The following ST8SIA3 variants were observed in gnomAD, a reference collection of about 807,000 sequenced individuals.
ST8SIA3 encodes the protein ST8 alpha-N-acetyl-neuraminide alpha-2,8-sialyltransferase 3.
ST8SIA3 carries 17 observed loss-of-function variants against 34.5 expected under a neutral mutation model. That is an observed-to-expected ratio of 0.49 (90% CI 0.34 to 0.74). The LOEUF is 0.74. Among genes scored for constraint, ST8SIA3 ranks in the 30% least tolerant of loss-of-function variants. The pLI, the probability that ST8SIA3 is intolerant of heterozygous loss-of-function variation, is 0.01. For missense variants in ST8SIA3, 354 were observed against 467.8 expected (o/e 0.76, Z 2.24); for synonymous variants, 172 against 176.1 (o/e 0.98, Z 0.19).
intron 2 of ST8SIA3, 44 bp downstream of exon 2, chr18:57,354,568 A>T (rs1206571572): frequency 8.1e-6 from 13 of 1,608,872 alleles, no homozygotes; most frequent in Non-Finnish European, 9.3e-6. Flanking sequence ...TTAAGAATTC[A>T]AGAGCTCAAA....
In ST8SIA3 at chr18:57,354,766, C is replaced by CA. The variant is rs35003371; in HGVS notation, c.302+256dup. On this transcript the variant is annotated intron_variant, in intron 2 of 3. Coordinates refer to ENST00000324000, the MANE Select transcript of ST8SIA3 (RefSeq NM_015879.3). Reference sequence around the variant, plus strand: ...GACATATCAGGACCAATTTGAATAGCAAAAAAAAAAAAAAGCATTCCACTT... The same window carrying CA: ...GACATATCAGGACCAATTTGAATAGCAAAAAAAAAAAAAAAGCATTCCACTT... Among the ~76,000 whole-genome samples the CA allele has an allele frequency of 5.5e-3, 649 of 118,802 alleles. 1 individual carries two copies. The highest frequency in any genetic ancestry group is 9.8e-3 in the African/African-American group (325 of 33,306). 77.9% of individuals were successfully genotyped at this position (118,802 alleles called of 152,430 possible). A position where few individuals can be genotyped will look rare whatever the true frequency, so the allele number is the denominator to read the frequency against.
rs1242676767 is a variant in ST8SIA3 at position 57,357,322 on chromosome 18, C to G, written c.712C>G (p.Leu238Val). The change falls in exon 3 of 4, where the codon CTT (leucine) becomes GTT (valine). Residue 238 changes from leucine (L) to valine (V), a missense_variant. Around this residue, in one of 3 missense-constraint regions of ST8SIA3, gnomAD observed 166 missense variants for 245.2 expected, o/e 0.68. Transcript: ENST00000324000. ...CAACTTTTTCCTCAGTTTAAAAAAG[C>G]TTGACGGGGCCATTCTTTGGATCCC... ...RNNFFLSLKK[L>V]DGAILWIPAF... The G allele has an allele frequency of 2.5e-6, 4 of 1,613,902 alleles. No individual in the cohort carries two copies. In the East Asian group the frequency reaches 6.7e-5, roughly 27 times the overall value.
chr18:57,358,908 T>C (rs2049813751), intron 3 of ST8SIA3, among the ~76,000 whole-genome samples: 1 of 152,216 alleles, frequency 6.6e-6, no homozygotes, highest in South Asian at 2.1e-4. Context: ...TCATTCTAGT[T>C]CCTTAGACAG....
Position 57,363,314 on chromosome 18 carries a change from A to C in ST8SIA3, c.*3037A>C, listed in dbSNP as rs2049842556. On this transcript the variant is annotated 3_prime_UTR_variant, in exon 4 of 4. Coordinates refer to ENST00000324000, the MANE Select transcript of ST8SIA3 (RefSeq NM_015879.3). ...GCAGATCCAAGGGAGACAGGGCTAA[A>C]TGGTGGTGTCAAGAATTCCTCCCAC... The C allele has an allele frequency of 6.6e-6, 1 of 152,228 alleles. No homozygotes were observed. The highest frequency in any genetic ancestry group is 2.4e-5 in the African/African-American group (1 of 41,456). The allele number at this position is 152,228 out of a possible 1,614,324, so 9.4% of individuals were successfully genotyped here. A position where few individuals can be genotyped will look rare whatever the true frequency, so the allele number is the denominator to read the frequency against.
In ST8SIA3 at chr18:57,364,910, G is replaced by A. The variant is rs1450281494; in HGVS notation, c.*4633G>A. ...TTGTGATGACTGATTGAAGACATAT[G>A]TGTATGAATAGATGTTCCTCAGTGA... On this transcript the variant is annotated 3_prime_UTR_variant, in exon 4 of 4. Coordinates refer to ENST00000324000, the MANE Select transcript of ST8SIA3 (RefSeq NM_015879.3). 2 of 152,330 alleles carry A rather than the reference G, an allele frequency of 1.3e-5. No individual in the cohort carries two copies. The highest frequency in any genetic ancestry group is 2.9e-5 in the Non-Finnish European group (2 of 68,040). The allele number at this position is 152,330 out of a possible 1,614,324, so 9.4% of individuals were successfully genotyped here. A position where few individuals can be genotyped will look rare whatever the true frequency, so the allele number is the denominator to read the frequency against.
chr18:57,358,983 T>C (rs1353173161), intron 3 of ST8SIA3, among the ~76,000 whole-genome samples: 2 of 152,208 alleles, frequency 1.3e-5, no homozygotes, highest in African/African-American at 2.4e-5. Flanking sequence ...ACCTTTGAAA[T>C]CTTCAAGTAG....
intron 3 of ST8SIA3, among the ~76,000 whole-genome samples, 172 bp from the exon 4 acceptor site, chr18:57,359,823 T>G (rs567700550): frequency 6.6e-6 from 1 of 152,342 alleles, no homozygotes; most frequent in South Asian, 2.1e-4. Context: ...TCTCACAAAT[T>G]ATGTAACCAG....
intron 3 of ST8SIA3, among the ~76,000 whole-genome samples, chr18:57,358,205 C>A (rs2049809809): frequency 6.6e-6 from 1 of 152,140 alleles, no homozygotes. Context: ...TAACAACTCT[C>A]CTGATGATTC....
At position 57,366,513 on chromosome 18, in the gene ST8SIA3, A is replaced by G. The variant is rs998339894; in HGVS notation, c.*6236A>G. ...TTTCCCCAACTTTGTCATTTTCCCTATCCACTTGCCCCTCATCCTTCTGAC... is the reference window on the plus strand; with the variant it reads ...TTTCCCCAACTTTGTCATTTTCCCTGTCCACTTGCCCCTCATCCTTCTGAC... On this transcript the variant is annotated 3_prime_UTR_variant, in exon 4 of 4. Coordinates refer to ENST00000324000, the MANE Select transcript of ST8SIA3 (RefSeq NM_015879.3). 1.3e-5 allele frequency: 2 copies of G among 152,114 alleles called. No homozygotes were observed. Among genetic ancestry groups the G allele is most frequent in the African/African-American group, 4.8e-5 (2 of 41,402 alleles). 9.4% of individuals were successfully genotyped at this position (152,114 alleles called of 1,614,324 possible).
At position 57,361,433 on chromosome 18, in the gene ST8SIA3, C is replaced by T. The variant is rs957879125; in HGVS notation, c.*1156C>T. 6.6e-6 allele frequency: 1 copy of T among 152,644 alleles called. No individual in the cohort carries two copies. The highest frequency in any genetic ancestry group is 1.5e-5 in the Non-Finnish European group (1 of 68,068). 9.5% of individuals were successfully genotyped at this position (152,644 alleles called of 1,614,324 possible). A position where few individuals can be genotyped will look rare whatever the true frequency, so the allele number is the denominator to read the frequency against. On this transcript the variant is annotated 3_prime_UTR_variant, in exon 4 of 4. Coordinates refer to ENST00000324000, the MANE Select transcript of ST8SIA3 (RefSeq NM_015879.3). ...ATCGTTTTCCGTATCATTGTGTGCA[C>T]CACCACCAATCCAGAACCATTTGCT...
At chr18:57,357,608 T>C (rs1025882089) in intron 3 of ST8SIA3, 138 bp downstream of exon 3, 29 of 696,056 alleles carry the variant, frequency 4.2e-5, no homozygotes, top group Non-Finnish European at 5.3e-5. Flanking sequence ...TCATATGTTT[T>C]GTAATGAGCG....
intron 3 of ST8SIA3, among the ~76,000 whole-genome samples, chr18:57,359,246 G>C (rs1481936921): frequency 2.0e-5 from 3 of 152,120 alleles, no homozygotes; most frequent in Non-Finnish European, 2.9e-5. Context: ...CAGCAGGAAG[G>C]CTTCAGAGTA....
At position 57,352,861 on chromosome 18, in the gene ST8SIA3, A is replaced by G. The variant is rs541694334; in HGVS notation, c.15A>G (p.Lys5=). 16 of 1,613,454 alleles carry G rather than the reference A, an allele frequency of 9.9e-6. No homozygotes were observed. In the East Asian group the frequency reaches 3.6e-4, roughly 36 times the overall value. Residue 5 remains lysine (K), a synonymous_variant, in exon 1 of 4, where the codon AAA becomes AAG. Transcript: ENST00000324000. MRNC[K]MARVASVLGL... The stretch of plus-strand genomic sequence containing the variant: ...CCCAGCCCGGGATGAGAAACTGCAA[A>G]ATGGCCCGGGTCGCCAGTGTGCTGG...
At chr18:57,353,083 G>A in intron 1 of ST8SIA3, 58 bp downstream of exon 1, 3 of 1,574,058 alleles carry the variant, frequency 1.9e-6, no homozygotes, top group Non-Finnish European at 2.6e-6. Flanking sequence ...GGTGTTTGGG[G>A]AAGGGAAGGC....
Position 57,363,514 on chromosome 18 carries a change from G to A in ST8SIA3, c.*3237G>A, listed in dbSNP as rs2049843955. ...CATCTGTCTGTGACCTTGATGTCAG[G>A]TACCTGGCCATGGGGCTACCAGCAA... On this transcript the variant is annotated 3_prime_UTR_variant, in exon 4 of 4. Coordinates refer to ENST00000324000, the MANE Select transcript of ST8SIA3 (RefSeq NM_015879.3). The A allele has an allele frequency of 6.6e-6, 1 of 152,298 alleles. No individual in the cohort carries two copies. Among genetic ancestry groups the A allele is most frequent in the Non-Finnish European group, 1.5e-5 (1 of 68,122 alleles). The allele number at this position is 152,298 out of a possible 1,614,324, so 9.4% of individuals were successfully genotyped here. A position where few individuals can be genotyped will look rare whatever the true frequency, so the allele number is the denominator to read the frequency against.
At chr18:57,354,318 GC>G in intron 1 of ST8SIA3, 83 bp from the exon 2 acceptor site, 1 of 1,579,512 alleles carries the variant, frequency 6.3e-7, no homozygotes, top group Non-Finnish European at 8.6e-7. Context: ...AGCCGCCCTC[GC>G]CCCAGCCGCT....
intron 3 of ST8SIA3, among the ~76,000 whole-genome samples, chr18:57,359,189 A>G (rs75613375): frequency 0.013 from 2,039 of 152,322 alleles, 45 homozygotes; most frequent in African/African-American, 0.044. Flanking sequence ...TGCATCTCCA[A>G]TGATAAATAC....
chr18:57,357,725 C>G (rs1027359211), intron 3 of ST8SIA3, among the ~76,000 whole-genome samples: 3 of 152,194 alleles, frequency 2.0e-5, no homozygotes, highest in African/African-American at 7.2e-5. Context: ...TATTCTCTGT[C>G]CTCTCCCTTG....
In ST8SIA3 at chr18:57,366,630, A is replaced by G. The variant is rs2049862335; in HGVS notation, c.*6353A>G. 1 of 152,242 alleles carries G rather than the reference A, an allele frequency of 6.6e-6. No individual in the cohort carries two copies. The highest frequency in any genetic ancestry group is 2.1e-4 in the South Asian group (1 of 4,826). 9.4% of individuals were successfully genotyped at this position (152,242 alleles called of 1,614,324 possible). On this transcript the variant is annotated 3_prime_UTR_variant, in exon 4 of 4. Coordinates refer to ENST00000324000, the MANE Select transcript of ST8SIA3 (RefSeq NM_015879.3). Reference sequence around the variant, plus strand: ...CCAGTAAGCTCACTTGGCTCTACATATCTGGAAAGGCACTGAGGTTCCAAG... The same window carrying G: ...CCAGTAAGCTCACTTGGCTCTACATGTCTGGAAAGGCACTGAGGTTCCAAG...
Sources: allele counts gnomAD v4.1 joint callset (sites outside exome capture counted in the v4.1 genomes callset), GRCh38; gene constraint gnomAD v4.1.1; regional missense constraint gnomAD v4.1.1; transcripts MANE v1.5; gene names NCBI Gene and HGNC (gene_info 2026-07-23, HGNC 2026-07-21).